Variants in HEG1 observed in about 807,000 individuals in gnomAD.
HEG1 encodes protein HEG homolog 1.
In HEG1, 56 loss-of-function variants were observed where a neutral mutation model predicts 125.6. The observed-to-expected ratio is 0.45, with a 90% CI of 0.36 to 0.56. The LOEUF (loss-of-function observed/expected upper bound fraction) is 0.56, where lower values mean the gene tolerates loss of function less well. Ranked by LOEUF, HEG1 falls within the 20% of genes least tolerant of loss-of-function variation. HEG1 has a pLI of 0.00. For missense variants in HEG1, 1,523 were observed against 1,670.0 expected, an observed-to-expected ratio of 0.91 and a Z score of 1.53; for synonymous variants, 644 against 668.5, an observed-to-expected ratio of 0.96 and a Z score of 0.57.
At position 124,967,126 on chromosome 3, in the gene HEG1, T is replaced by C. The variant is rs1560010548; in HGVS notation, c.*3526A>G. On this transcript the variant is annotated 3_prime_UTR_variant, in exon 17 of 17. Coordinates refer to ENST00000311127, the MANE Select transcript of HEG1 (RefSeq NM_020733.2). ...AATGTCTTAGCTGCTTCTGAAAATA[T>C]ACTTCCCCTCAAAGGAGGAAGATGT... The C allele has an allele frequency of 1.3e-5, 2 of 152,258 alleles. No homozygotes were observed. The highest frequency in any genetic ancestry group is 2.9e-5 in the Non-Finnish European group (2 of 68,046). 9.4% of individuals were successfully genotyped at this position (152,258 alleles called of 1,614,324 possible). A position where few individuals can be genotyped will look rare whatever the true frequency, so the allele number is the denominator to read the frequency against.
At chr3:124,994,747 T>A (rs1579405579) in intron 12 of HEG1, among the ~76,000 whole-genome samples, 1 of 152,068 alleles carries the variant, frequency 6.6e-6, no homozygotes, top group South Asian at 2.1e-4. Flanking sequence ...CTCATGATCC[T>A]CCCGCCTCAG....
intron 5 of HEG1, chr3:125,014,654 A>T: frequency 1.7e-6 from 2 of 1,184,536 alleles, no homozygotes; most frequent in Non-Finnish European, 2.2e-6. Flanking sequence ...CAGGACGGTG[A>T]GTAAATTAAT....
At chr3:125,030,189 A>AG (rs1218619608) in intron 1 of HEG1, among the ~76,000 whole-genome samples, 1 of 152,194 alleles carries the variant, frequency 6.6e-6, no homozygotes, top group Non-Finnish European at 1.5e-5. Context: ...GGTGGGTGGT[A>AG]GGAAGCTATT....
intron 16 of HEG1, among the ~76,000 whole-genome samples, chr3:124,971,365 C>T (rs1478152116): frequency 6.6e-6 from 1 of 152,356 alleles, no homozygotes; most frequent in Middle Eastern, 3.4e-3. Flanking sequence ...TCTGCCTCTA[C>T]AGACTGCTCA....
intron 14 of HEG1, among the ~76,000 whole-genome samples, chr3:124,985,840 C>T (rs1057454590): frequency 6.6e-6 from 1 of 152,294 alleles, no homozygotes; most frequent in East Asian, 1.9e-4. Context: ...TGCAATAGTG[C>T]GATCTCGGCT....
intron 12 of HEG1, among the ~76,000 whole-genome samples, chr3:124,993,345 C>T (rs1936862716): frequency 6.6e-6 from 1 of 152,120 alleles, no homozygotes; most frequent in African/African-American, 2.4e-5. Flanking sequence ...CACTTTATGC[C>T]ACAGGTAGAG....
At chr3:125,038,775 C>A (rs1174603245) in intron 1 of HEG1, among the ~76,000 whole-genome samples, 1 of 152,116 alleles carries the variant, frequency 6.6e-6, no homozygotes, top group Admixed American at 6.5e-5. Context: ...AAAGAACCTG[C>A]TCTTATTCTT....
At chr3:125,043,122 C>T (rs190675629) in intron 1 of HEG1, among the ~76,000 whole-genome samples, 81 of 152,350 alleles carry the variant, frequency 5.3e-4, no homozygotes, top group Non-Finnish European at 9.8e-4. Context: ...ATTTTTAAAA[C>T]GCTTCCCCTG....
In HEG1 at chr3:125,044,350, C is replaced by T. The variant is rs972163527; in HGVS notation, c.316+11225G>A. 8.6e-5 allele frequency among the ~76,000 whole-genome samples: 13 copies of T among 151,952 alleles called. 1 individual carries two copies. Among genetic ancestry groups the T allele is most frequent in the South Asian group, 2.1e-4 (1 of 4,818 alleles). ...AAAACAGAGAAAGAGGAAGCAAGGA[C>T]GGGGGCTGAAAAGAGAAATAAGACA... On this transcript the variant is annotated intron_variant, in intron 1 of 16. Coordinates refer to ENST00000311127, the MANE Select transcript of HEG1 (RefSeq NM_020733.2).
intron 11 of HEG1, among the ~76,000 whole-genome samples, chr3:125,000,599 T>C (rs1232855570): frequency 2.9e-5 from 4 of 136,482 alleles, no homozygotes; most frequent in African/African-American, 3.1e-5. Context: ...AAAGTTTAGC[T>C]TTTTTTTTTT....
chr3:125,004,098 T>G (rs1937037285), intron 9 of HEG1, among the ~76,000 whole-genome samples: 1 of 152,198 alleles, frequency 6.6e-6, no homozygotes, highest in Non-Finnish European at 1.5e-5. Flanking sequence ...CGGGGTTCTA[T>G]CTGCAGATGT....
intron 14 of HEG1, among the ~76,000 whole-genome samples, chr3:124,987,697 T>C (rs1326412489): frequency 6.6e-6 from 1 of 151,494 alleles, no homozygotes; most frequent in East Asian, 1.9e-4. Flanking sequence ...ATTTTTTGTA[T>C]TTTTAGTAGA....
chr3:124,993,810 C>A (rs1936871376), intron 12 of HEG1, among the ~76,000 whole-genome samples: 1 of 152,202 alleles, frequency 6.6e-6, no homozygotes, highest in African/African-American at 2.4e-5. Flanking sequence ...ATCTGTTGTC[C>A]TGCCCGCGAG....
intron 6 of HEG1, 88 bp downstream of exon 6, chr3:125,012,535 C>A: frequency 7.6e-7 from 1 of 1,312,416 alleles, no homozygotes. Context: ...GCCATTTCTA[C>A]AAATTCACAT....
intron 1 of HEG1, 110 bp from the exon 2 acceptor site, chr3:125,029,598 A>G: frequency 8.5e-7 from 1 of 1,169,936 alleles, no homozygotes; most frequent in South Asian, 1.5e-5. Context: ...AATTCAAGTA[A>G]AAGAATTTTG....
chr3:125,027,539 C>T (rs199791112), intron 2 of HEG1, 32 bp from the exon 3 acceptor site: 59 of 1,543,756 alleles, frequency 3.8e-5, no homozygotes, highest in Admixed American at 1.2e-4. Flanking sequence ...TAGAATTCCA[C>T]CAGCAGACTT....
At chr3:125,014,988 C>T (rs1397345434) in intron 5 of HEG1, 22 of 1,261,198 alleles carry the variant, frequency 1.7e-5, no homozygotes, top group Non-Finnish European at 2.1e-5. Context: ...TAGTGCTTGG[C>T]CTGGCTCTCG....
chr3:124,988,647 G>A (rs1006000063), intron 14 of HEG1, among the ~76,000 whole-genome samples: 2 of 152,090 alleles, frequency 1.3e-5, no homozygotes, highest in Non-Finnish European at 2.9e-5. Flanking sequence ...GGCCGGGCAC[G>A]GTGGCTCACG....
At chr3:125,031,552 G>C (rs943594981) in intron 1 of HEG1, among the ~76,000 whole-genome samples, 8 of 152,042 alleles carry the variant, frequency 5.3e-5, no homozygotes, top group African/African-American at 1.7e-4. Context: ...AACCTCTGTG[G>C]GGATGAATGG....
Sources: gnomAD v4.1 joint callset for allele counts (sites outside exome capture counted in the v4.1 genomes callset) on GRCh38, gnomAD v4.1.1 for gene constraint, MANE v1.5 for transcripts, NCBI Gene and HGNC (gene_info 2026-07-23, HGNC 2026-07-21) for gene names.